The following DOK5 variants were observed in gnomAD, a reference collection of about 807,000 sequenced individuals.
DOK5 encodes the protein docking protein 5.
Under a neutral mutation model 43.3 loss-of-function variants are expected in DOK5, and 27 were observed. The observed-to-expected ratio is 0.62, with a 90% confidence interval of 0.46 to 0.86. The LOEUF is 0.86. Ranked by LOEUF, DOK5 falls within the 40% of genes least tolerant of loss-of-function variation. The pLI, the probability that DOK5 is intolerant of heterozygous loss-of-function variation, is 0.00. For missense variants in DOK5, 373 were observed against 392.9 expected (o/e 0.95, Z 0.43); for synonymous variants, 146 against 140.1 (o/e 1.04, Z -0.30).
At chr20:54,605,234 TATTC>T (rs957420155) in intron 5 of DOK5, among the ~76,000 whole-genome samples, 16 of 152,324 alleles carry the variant, frequency 1.1e-4, no homozygotes, top group African/African-American at 3.8e-4. Flanking sequence ...AATGTTTACT[TATTC>T]ATTCTGTCTA....
chr20:54,645,925 C>A (rs1462037069), intron 7 of DOK5, among the ~76,000 whole-genome samples: 22 of 85,868 alleles, frequency 2.6e-4, no homozygotes, highest in South Asian at 9.7e-4. Context: ...GCAGATGCTG[C>A]AAAAAAAAAA....
intron 2 of DOK5, among the ~76,000 whole-genome samples, chr20:54,573,551 G>A (rs1358657459): frequency 6.6e-6 from 1 of 151,936 alleles, no homozygotes; most frequent in Non-Finnish European, 1.5e-5. Context: ...GCTGGGTGTG[G>A]TGGCACATGC....
chr20:54,617,303 C>T (rs772480512), intron 6 of DOK5, among the ~76,000 whole-genome samples: 28 of 152,088 alleles, frequency 1.8e-4, no homozygotes, highest in Middle Eastern at 3.2e-3. Flanking sequence ...TTTTATTCAT[C>T]TTATCACTCT....
chr20:54,510,281 T>A (rs1204258108), intron 1 of DOK5, among the ~76,000 whole-genome samples: 1 of 152,150 alleles, frequency 6.6e-6, no homozygotes, highest in Non-Finnish European at 1.5e-5. Flanking sequence ...TATCCACAAA[T>A]CCTCAGTAAT....
intron 6 of DOK5, among the ~76,000 whole-genome samples, chr20:54,641,114 A>G (rs1028792764): frequency 6.6e-6 from 1 of 152,204 alleles, no homozygotes; most frequent in African/African-American, 2.4e-5. Context: ...AAAACAAGAA[A>G]CAGCTGCAGA....
At chr20:54,517,584 A>G (rs1983242533) in intron 1 of DOK5, among the ~76,000 whole-genome samples, 1 of 152,202 alleles carries the variant, frequency 6.6e-6, no homozygotes. Context: ...GCTTTATAAT[A>G]ACGATGAAGG....
At chr20:54,566,029 A>C (rs925267848) in intron 2 of DOK5, among the ~76,000 whole-genome samples, 2 of 151,804 alleles carry the variant, frequency 1.3e-5, no homozygotes, top group East Asian at 1.9e-4. Context: ...AAAAAAAAAA[A>C]AAACCCTGAA....
chr20:54,520,253 A>G (rs1453897733), intron 1 of DOK5, among the ~76,000 whole-genome samples: 1 of 152,016 alleles, frequency 6.6e-6, no homozygotes, highest in Non-Finnish European at 1.5e-5. Context: ...TTTTTCTCAC[A>G]TTTTATTAGC....
At chr20:54,504,884 A>C (rs1255635725) in intron 1 of DOK5, among the ~76,000 whole-genome samples, 1 of 152,190 alleles carries the variant, frequency 6.6e-6, no homozygotes, top group African/African-American at 2.4e-5. Flanking sequence ...TGGCCATCTC[A>C]GTACCCATTG....
At chr20:54,612,923 G>A (rs1350462988) in intron 6 of DOK5, among the ~76,000 whole-genome samples, 1 of 152,152 alleles carries the variant, frequency 6.6e-6, no homozygotes, top group Non-Finnish European at 1.5e-5. Flanking sequence ...TTTCTCCTTT[G>A]TAAAATGGGA....
intron 2 of DOK5, among the ~76,000 whole-genome samples, chr20:54,586,203 T>G (rs1449720309): frequency 6.6e-6 from 1 of 152,204 alleles, no homozygotes; most frequent in African/African-American, 2.4e-5. Flanking sequence ...ATTCAGCCCT[T>G]CAGTAAGTCA....
chr20:54,548,327 C>T (rs1039955524), intron 1 of DOK5, among the ~76,000 whole-genome samples: 2 of 151,974 alleles, frequency 1.3e-5, no homozygotes, highest in African/African-American at 2.4e-5. Context: ...CTCCACTTCC[C>T]TGGGCTCAGA....
At chr20:54,486,930 G>A (rs185170244) in intron 1 of DOK5, among the ~76,000 whole-genome samples, 10 of 152,010 alleles carry the variant, frequency 6.6e-5, no homozygotes, top group African/African-American at 1.7e-4. Context: ...ATATTCCAGC[G>A]GAAGAGTCAT....
chr20:54,489,271 A>C (rs1982067759), intron 1 of DOK5, among the ~76,000 whole-genome samples: 1 of 152,208 alleles, frequency 6.6e-6, no homozygotes, highest in African/African-American at 2.4e-5. Flanking sequence ...ATTCGAGGAT[A>C]CAAAGTTTAT....
At chr20:54,600,964 G>C (rs1476519349) in intron 5 of DOK5, among the ~76,000 whole-genome samples, 2 of 152,184 alleles carry the variant, frequency 1.3e-5, no homozygotes, top group Non-Finnish European at 2.9e-5. Context: ...GGGTATTGTA[G>C]TACTCATGTG....
intron 2 of DOK5, among the ~76,000 whole-genome samples, chr20:54,561,669 T>G (rs1257200831): frequency 1.3e-5 from 2 of 152,234 alleles, no homozygotes; most frequent in Non-Finnish European, 2.9e-5. Flanking sequence ...ATTTATTTAT[T>G]TTTAAGACAG....
At chr20:54,489,614 G>A (rs996944450) in intron 1 of DOK5, among the ~76,000 whole-genome samples, 5 of 150,826 alleles carry the variant, frequency 3.3e-5, no homozygotes, top group African/African-American at 4.9e-5. Context: ...TTAAATATGT[G>A]CATAAAGTAG....
At chr20:54,601,041 G>A (rs1568804329) in intron 5 of DOK5, among the ~76,000 whole-genome samples, 1 of 152,172 alleles carries the variant, frequency 6.6e-6, no homozygotes, top group Non-Finnish European at 1.5e-5. Flanking sequence ...GATGATGATA[G>A]GTTTTTAAGC....
At chr20:54,578,301 CA>C in intron 2 of DOK5, among the ~76,000 whole-genome samples, 1 of 152,170 alleles carries the variant, frequency 6.6e-6, no homozygotes, top group East Asian at 1.9e-4. Flanking sequence ...TCAAGTATTT[CA>C]AAGGTCCTAA....
Sources: allele counts gnomAD v4.1 joint callset (sites outside exome capture counted in the v4.1 genomes callset), GRCh38; gene constraint gnomAD v4.1.1; transcripts MANE v1.5; gene names NCBI Gene and HGNC (gene_info 2026-07-23, HGNC 2026-07-21).